Variants in CADM1 observed in about 807,000 individuals in gnomAD.
CADM1 encodes TSLC-1.
Under a neutral mutation model 53.1 loss-of-function variants are expected in CADM1, and 15 were observed. The ratio of observed to expected loss-of-function variants is 0.28; its 90% confidence interval spans 0.19 to 0.44. The LOEUF (loss-of-function observed/expected upper bound fraction) is 0.44, where lower values mean the gene tolerates loss of function less well. Among genes scored for constraint, CADM1 ranks in the 20% least tolerant of loss-of-function variants. CADM1 has a pLI of 1.00. For missense variants in CADM1, 434 were observed against 611.3 expected, an observed-to-expected ratio of 0.71 and a Z score of 3.06; for synonymous variants, 281 against 243.0, an observed-to-expected ratio of 1.16 and a Z score of -1.45.
intron 1 of CADM1, among the ~76,000 whole-genome samples, chr11:115,324,555 T>G (rs1017862016): frequency 6.6e-6 from 1 of 152,130 alleles, no homozygotes; most frequent in Non-Finnish European, 1.5e-5. Flanking sequence ...AAAAAGCAAT[T>G]AAGGGTGAGG....
intron 1 of CADM1, among the ~76,000 whole-genome samples, chr11:115,247,262 T>C (rs1216915065): frequency 6.6e-6 from 1 of 152,212 alleles, no homozygotes; most frequent in Non-Finnish European, 1.5e-5. Flanking sequence ...CACGTTGAAA[T>C]GACAGCTCAT....
chr11:115,367,048 G>T (rs763454721), intron 1 of CADM1, among the ~76,000 whole-genome samples: 1 of 152,176 alleles, frequency 6.6e-6, no homozygotes, highest in Non-Finnish European at 1.5e-5. Flanking sequence ...CAAAACAAAA[G>T]TCTTAATAAC....
intron 1 of CADM1, among the ~76,000 whole-genome samples, chr11:115,474,990 G>A (rs989752447): frequency 6.6e-6 from 1 of 152,110 alleles, no homozygotes; most frequent in African/African-American, 2.4e-5. Flanking sequence ...AAAACAAAAT[G>A]GTACAGTCAC....
intron 11 of CADM1, among the ~76,000 whole-genome samples, chr11:115,177,588 AGTGACACACAT>A (rs996545279): frequency 4.5e-4 from 68 of 151,994 alleles, no homozygotes; most frequent in Admixed American, 7.2e-4. Flanking sequence ...CTTGCTGCAG[AGTGACACACAT>A]GTTCCCCTCC....
At chr11:115,499,793 T>C (rs1375947092) in intron 1 of CADM1, among the ~76,000 whole-genome samples, 2 of 152,272 alleles carry the variant, frequency 1.3e-5, no homozygotes, top group Non-Finnish European at 2.9e-5. Context: ...AATTCCATGA[T>C]TATAAGAATC....
intron 1 of CADM1, among the ~76,000 whole-genome samples, chr11:115,459,435 G>A (rs561778905): frequency 6.6e-6 from 1 of 152,174 alleles, no homozygotes; most frequent in African/African-American, 2.4e-5. Context: ...AAAAAGCTAT[G>A]AATAAATTTT....
chr11:115,197,449 C>CT (rs60132818), intron 9 of CADM1, among the ~76,000 whole-genome samples: 263 of 18,198 alleles, frequency 0.014, 2 homozygotes, highest in African/African-American at 0.048. Flanking sequence ...CAGTTTTAAA[C>CT]ATATCTTTTC....
At chr11:115,476,084 A>G (rs1591285083) in intron 1 of CADM1, among the ~76,000 whole-genome samples, 2 of 152,194 alleles carry the variant, frequency 1.3e-5, no homozygotes, top group African/African-American at 2.4e-5. Context: ...TTTAATTATT[A>G]TGGTATTACC....
chr11:115,235,761 C>A (rs764065978), intron 3 of CADM1, among the ~76,000 whole-genome samples: 7 of 152,190 alleles, frequency 4.6e-5, no homozygotes, highest in Non-Finnish European at 8.8e-5. Flanking sequence ...ATCTTAAGAA[C>A]GAACACTAAT....
At chr11:115,387,892 T>C (rs1290465054) in intron 1 of CADM1, among the ~76,000 whole-genome samples, 1 of 151,634 alleles carries the variant, frequency 6.6e-6, no homozygotes, top group Non-Finnish European at 1.5e-5. Flanking sequence ...TCTAATACCT[T>C]TCTCCTCTAA....
chr11:115,242,048 C>T (rs1196121996), intron 1 of CADM1, among the ~76,000 whole-genome samples: 1 of 148,938 alleles, frequency 6.7e-6, no homozygotes, highest in Non-Finnish European at 1.5e-5. Flanking sequence ...GCCAAATCCA[C>T]CTAGAAATAG....
intron 1 of CADM1, among the ~76,000 whole-genome samples, chr11:115,471,004 C>T (rs1286586439): frequency 6.6e-6 from 1 of 152,088 alleles, no homozygotes; most frequent in Non-Finnish European, 1.5e-5. Flanking sequence ...ACCAGGACAC[C>T]CTCCAACATC....
rs536007395 is a variant in CADM1 at position 115,352,686 on chromosome 11, T to C, written c.125-112266A>G. ...AGGAGAAGGTAGAAAAAACACAGCA[T>C]TGTACAGTGATGGGCACTGTTTTTA... On this transcript the variant is annotated intron_variant, in intron 1 of 11. Transcript: ENST00000331581. 3.3e-5 allele frequency among the ~76,000 whole-genome samples: 5 copies of C among 152,284 alleles called. No individual in the cohort carries two copies. The East Asian group carries it at 5.8e-4, about 18-fold the overall frequency.
At chr11:115,492,960 CA>C (rs1276771879) in intron 1 of CADM1, among the ~76,000 whole-genome samples, 34 of 151,788 alleles carry the variant, frequency 2.2e-4, no homozygotes, top group Non-Finnish European at 4.1e-4. Context: ...CACACACACA[CA>C]CCCTTGTTTG....
chr11:115,238,285 G>T (rs1942081233), intron 3 of CADM1, among the ~76,000 whole-genome samples: 1 of 152,180 alleles, frequency 6.6e-6, no homozygotes, highest in African/African-American at 2.4e-5. Context: ...CTTGAGGGTT[G>T]AAACCCAAGA....
At chr11:115,335,512 T>C (rs1032883976) in intron 1 of CADM1, among the ~76,000 whole-genome samples, 1 of 152,122 alleles carries the variant, frequency 6.6e-6, no homozygotes, top group Admixed American at 6.6e-5. Flanking sequence ...ATAATTATGG[T>C]TTTATTCTCC....
chr11:115,373,644 CAAAGA>C (rs1946368601), intron 1 of CADM1, among the ~76,000 whole-genome samples: 2 of 108,636 alleles, frequency 1.8e-5, no homozygotes, highest in Non-Finnish European at 4.1e-5. Flanking sequence ...GGACAATCAA[CAAAGA>C]AAAGGGGGAT....
chr11:115,490,989 C>T (rs968019923), intron 1 of CADM1, among the ~76,000 whole-genome samples: 3 of 152,026 alleles, frequency 2.0e-5, no homozygotes, highest in Admixed American at 6.5e-5. Context: ...CTGGAACATC[C>T]GGACTGAGAT....
At position 115,209,644 on chromosome 11, in the gene CADM1, A is replaced by G; in HGVS notation, c.1008T>C (p.Thr336=). 2 of 1,612,634 alleles carry G rather than the reference A, an allele frequency of 1.2e-6. No homozygotes were observed. Among genetic ancestry groups the G allele is most frequent in the African/African-American group, 1.3e-5 (1 of 74,892 alleles). The change falls in exon 8 of 12, where the codon ACT becomes ACC. Residue 336 remains threonine, a synonymous_variant. Transcript: ENST00000331581. ...YMLYVYDPPT[T]IPPPTTTTTT... is the part of the protein sequence containing the mutation. ...TGGTGGTTGTTGTGGGAGGAGGGATAGTTGTGGGGGGATCTGGATAGAAAA... is the reference window on the plus strand; with the variant it reads ...TGGTGGTTGTTGTGGGAGGAGGGATGGTTGTGGGGGGATCTGGATAGAAAA...
Sources: allele counts gnomAD v4.1 joint callset (sites outside exome capture counted in the v4.1 genomes callset), GRCh38; gene constraint gnomAD v4.1.1; transcripts MANE v1.5; gene names NCBI Gene and HGNC (gene_info 2026-07-23, HGNC 2026-07-21).